Variants in DLG2 observed in about 807,000 individuals in gnomAD.
DLG2 encodes the protein disks large homolog 2.
Under a neutral mutation model 132.5 loss-of-function variants are expected in DLG2, and 45 were observed. The ratio of observed to expected loss-of-function variants is 0.34; its 90% CI spans 0.27 to 0.44. The LOEUF (loss-of-function observed/expected upper bound fraction) is 0.44, where lower values mean the gene tolerates loss of function less well. DLG2 is among the 20% of genes least tolerant of loss of function. The probability of loss-of-function intolerance (pLI) is 1.00; values close to 1 mark genes in which losing one functional copy is unlikely to be tolerated. For missense variants in DLG2, 1,045 were observed against 1,196.9 expected, an observed-to-expected ratio of 0.87 and a Z score of 1.87; for synonymous variants, 424 against 419.6, an observed-to-expected ratio of 1.01 and a Z score of -0.13.
intron 5 of DLG2, among the ~76,000 whole-genome samples, chr11:85,150,699 AGTGT>A (rs71036459): frequency 0.3 from 38,352 of 126,870 alleles, 5,763 homozygotes; most frequent in Non-Finnish European, 0.34. Context: ...AAGGCTACAT[AGTGT>A]GTGTGTGTGT....
At chr11:85,012,871 G>T (rs2059267028) in intron 6 of DLG2, among the ~76,000 whole-genome samples, 1 of 152,082 alleles carries the variant, frequency 6.6e-6, no homozygotes, top group East Asian at 1.9e-4. Flanking sequence ...TAGATGTTAG[G>T]TGACTTTTAG....
At chr11:85,070,367 A>G (rs2065663465) in intron 6 of DLG2, among the ~76,000 whole-genome samples, 2 of 151,566 alleles carry the variant, frequency 1.3e-5, no homozygotes, top group African/African-American at 4.8e-5. Flanking sequence ...TATTGACTGC[A>G]GCACTATTCA....
rs181416558 is a variant in DLG2, at chr11:85,499,643, A to T, written c.40+99014T>A. 2.0e-5 allele frequency among the ~76,000 whole-genome samples: 3 copies of T among 152,332 alleles called. No homozygotes were observed. The East Asian group carries it at 5.8e-4, about 29-fold the overall frequency. On this transcript the variant is annotated intron_variant, in intron 3 of 27. Transcript: ENST00000376104. Reference sequence around the variant, plus strand: ...CAAAGCCTGGCAGAGACACAACAAAAAAAAGATAATTTTAGACCAATAACC... The same window carrying T: ...CAAAGCCTGGCAGAGACACAACAAATAAAAGATAATTTTAGACCAATAACC...
At chr11:83,490,917 T>C (rs747930664) in intron 21 of DLG2, among the ~76,000 whole-genome samples, 1 of 151,990 alleles carries the variant, frequency 6.6e-6, no homozygotes, top group Non-Finnish European at 1.5e-5. Context: ...CAACTTTCTC[T>C]CAATTCAGCG....
chr11:83,712,207 C>A (rs565813565), intron 18 of DLG2, among the ~76,000 whole-genome samples: 1 of 152,042 alleles, frequency 6.6e-6, no homozygotes, highest in Non-Finnish European at 1.5e-5. Flanking sequence ...GATACATGCA[C>A]GTGTATGTTC....
chr11:85,453,572 A>C (rs2092323031), intron 3 of DLG2: 1 of 154,966 alleles, frequency 6.5e-6, no homozygotes, highest in South Asian at 2.1e-4. Flanking sequence ...CGTTTTGCCA[A>C]GATGAGGCTC....
At chr11:85,083,738 G>A (rs2067544190) in intron 6 of DLG2, among the ~76,000 whole-genome samples, 1 of 152,112 alleles carries the variant, frequency 6.6e-6, no homozygotes, top group Admixed American at 6.5e-5. Flanking sequence ...AAGATGATGG[G>A]TTGTGGAAAA....
intron 6 of DLG2, among the ~76,000 whole-genome samples, chr11:84,642,645 GA>G (rs750502978): frequency 5.3e-5 from 8 of 152,138 alleles, no homozygotes; most frequent in Non-Finnish European, 8.8e-5. Flanking sequence ...AAGCAGAAGA[GA>G]AGACATGTAC....
At position 85,181,234 on chromosome 11, in the gene DLG2, G is replaced by A. The variant is rs11821196; in HGVS notation, c.187-26583C>T. ...TGTATATGTATACGTATATGTATAT[G>A]TGTATATATATGTGTATATATGTGT... On this transcript the variant is annotated intron_variant, in intron 4 of 27. Transcript: ENST00000376104. Among the ~76,000 whole-genome samples the A allele has an allele frequency of 9.5e-3, 1,440 of 151,084 alleles. 20 individuals are homozygous for A. Among genetic ancestry groups the A allele is most frequent in the African/African-American group, 0.032 (1,301 of 41,272 alleles).
In DLG2 at chr11:83,607,489, G is replaced by A. The variant is rs117941798; in HGVS notation, c.1940+25722C>T. 4.3e-3 allele frequency among the ~76,000 whole-genome samples: 650 copies of A among 152,140 alleles called. 5 individuals carry two copies. Among genetic ancestry groups the A allele is most frequent in the Non-Finnish European group, 6.1e-3 (414 of 67,990 alleles). ...CTCTTTTAGTAACAGGACTCCTCCC[G>A]TCCATCCACGACAGAGTCTTAGCAA... On this transcript the variant is annotated intron_variant, in intron 19 of 27. Coordinates refer to ENST00000376104, the MANE Select transcript of DLG2 (RefSeq NM_001142699.3).
chr11:85,008,072 C>G (rs2058851416), intron 6 of DLG2, among the ~76,000 whole-genome samples: 1 of 152,162 alleles, frequency 6.6e-6, no homozygotes, highest in African/African-American at 2.4e-5. Flanking sequence ...TGAATAGTCA[C>G]ACTAAGCAGA....
intron 21 of DLG2, among the ~76,000 whole-genome samples, chr11:83,493,209 G>A (rs2093956844): frequency 6.6e-6 from 1 of 152,038 alleles, no homozygotes. Context: ...TCCCTTAGAA[G>A]GCTGATTCCT....
intron 19 of DLG2, among the ~76,000 whole-genome samples, chr11:83,550,231 C>A (rs949432736): frequency 6.6e-6 from 1 of 152,220 alleles, no homozygotes; most frequent in Non-Finnish European, 1.5e-5. Context: ...GAAGCCCTTA[C>A]AGGTTGGGCC....
At position 84,884,925 on chromosome 11, in the gene DLG2, T is replaced by C. The variant is rs532411886; in HGVS notation, c.357+226736A>G. Among the ~76,000 whole-genome samples the C allele has an allele frequency of 2.0e-5, 3 of 152,270 alleles. No homozygotes were observed. In the South Asian group the frequency reaches 6.2e-4, roughly 32 times the overall value. On this transcript the variant is annotated intron_variant, in intron 6 of 27. Transcript: ENST00000376104. ...CCACAAGGAATGTAAAATGTCCCTTTGTCCAGGGTATTCACACTATATAAA... is the reference window on the plus strand; with the variant it reads ...CCACAAGGAATGTAAAATGTCCCTTCGTCCAGGGTATTCACACTATATAAA...
At chr11:83,990,370 T>C (rs1331777915) in intron 11 of DLG2, among the ~76,000 whole-genome samples, 1 of 152,278 alleles carries the variant, frequency 6.6e-6, no homozygotes. Flanking sequence ...ACATAAGAAA[T>C]GCAGGCATAA....
intron 3 of DLG2, among the ~76,000 whole-genome samples, chr11:85,392,924 T>C (rs2086929851): frequency 6.6e-6 from 1 of 152,154 alleles, no homozygotes; most frequent in African/African-American, 2.4e-5. Context: ...AGGCAAAGAC[T>C]TGATAACCAA....
At chr11:85,038,491 T>C (rs1016568813) in intron 6 of DLG2, among the ~76,000 whole-genome samples, 1 of 152,078 alleles carries the variant, frequency 6.6e-6, no homozygotes, top group Non-Finnish European at 1.5e-5. Flanking sequence ...CTGAGGTTAC[T>C]GAGATATTTA....
chr11:84,361,995 G>T (rs531091417), intron 7 of DLG2, among the ~76,000 whole-genome samples: 61 of 151,896 alleles, frequency 4.0e-4, no homozygotes, highest in African/African-American at 1.4e-3. Flanking sequence ...AAAGAACAGA[G>T]GTTAGCAGTA....
intron 3 of DLG2, among the ~76,000 whole-genome samples, chr11:85,461,137 G>C (rs778315603): frequency 1.3e-5 from 2 of 152,178 alleles, no homozygotes; most frequent in Admixed American, 6.5e-5. Flanking sequence ...ATACACACCA[G>C]GGAATCCAGC....
Sources: allele counts gnomAD v4.1 joint callset (sites outside exome capture counted in the v4.1 genomes callset), GRCh38; gene constraint gnomAD v4.1.1; transcripts MANE v1.5; gene names NCBI Gene and HGNC (gene_info 2026-07-23, HGNC 2026-07-21).